The following CEP120 variants were observed in gnomAD, a reference collection of about 807,000 sequenced individuals.
The protein encoded by CEP120 is centrosomal protein of 120 kDa.
CEP120 carries 113 observed loss-of-function variants against 126.5 expected under a neutral mutation model. That is an observed-to-expected ratio of 0.89 (90% CI 0.77 to 1.04). The LOEUF is 1.04. CEP120 is among the 50% of genes least tolerant of loss of function. CEP120 has a pLI of 0.00. For missense variants in CEP120, 1,230 were observed against 1,155.7 expected (o/e 1.06, Z -0.93); for synonymous variants, 400 against 394.3 (o/e 1.01, Z -0.17).
At chr5:123,361,158 A>G (rs1034086038) in intron 18 of CEP120, among the ~76,000 whole-genome samples, 1 of 151,766 alleles carries the variant, frequency 6.6e-6, no homozygotes, top group Non-Finnish European at 1.5e-5. Flanking sequence ...TGGAAGCACT[A>G]TTTTCCACTT....
At chr5:123,380,181 C>A (rs926819754) in intron 14 of CEP120, among the ~76,000 whole-genome samples, 24 of 152,036 alleles carry the variant, frequency 1.6e-4, no homozygotes, top group Admixed American at 1.3e-3. Flanking sequence ...GGGTATTTAG[C>A]TTTAAAATAT....
At chr5:123,422,325 C>G (rs1038676639) in intron 1 of CEP120, 3 of 607,684 alleles carry the variant, frequency 4.9e-6, no homozygotes, top group African/African-American at 1.9e-5. Context: ...TCTTCCACAT[C>G]CTGATGAATT....
Position 123,377,513 on chromosome 5 carries a change from A to C in CEP120, c.2219T>G (p.Leu740Arg). Residue 740 changes from leucine (L) to arginine (R), a missense_variant, in exon 16 of 20, where the codon CTG becomes CGG. By Grantham distance (102) the Leu-to-Arg change is moderately radical. Coordinates refer to ENST00000306467, the MANE Select transcript of CEP120 (RefSeq NM_001375405.1). ...CAGGTTCCGCTGACGTTCTGATTGC[A>C]GTTCCTTTTTTTCTCTTTGAAGCTT... ...ESELQREKKE[L>R]QSERQRNLQE... 6.3e-7 allele frequency: 1 copy of C among 1,586,038 alleles called. No homozygotes were observed. Among genetic ancestry groups the C allele is most frequent in the Non-Finnish European group, 8.5e-7 (1 of 1,173,390 alleles).
intron 1 of CEP120, among the ~76,000 whole-genome samples, chr5:123,420,348 CT>C (rs1164681047): frequency 6.6e-6 from 1 of 152,144 alleles, no homozygotes; most frequent in Non-Finnish European, 1.5e-5. Flanking sequence ...CAGAAATGGT[CT>C]TTTTCATCCT....
At chr5:123,406,325 CCCCAATTAATGTCA>C (rs1295180084) in intron 4 of CEP120, among the ~76,000 whole-genome samples, 1 of 151,270 alleles carries the variant, frequency 6.6e-6, no homozygotes, top group East Asian at 1.9e-4. Flanking sequence ...TGAGAATTTC[CCCCAATTAATGTCA>C]CACACCAAAC....
rs1771738109 is a variant in CEP120 at position 123,382,779 on chromosome 5, T to C, written c.1971A>G (p.Leu657=). Residue 657 remains leucine (L), a synonymous_variant, in exon 13 of 20, where the codon CTA becomes CTG. Transcript: ENST00000306467. ...ETLEYKAALE[L]EMWKEMQEDI... is the part of the protein sequence containing the mutation. ...CTTCTTGCATCTCCTTCCACATTTC[T>C]AGCTCAAGTGCTGCTTTGTATTCTA... is the stretch of plus-strand genomic sequence containing the variant. The C allele has an allele frequency of 1.9e-6, 3 of 1,613,226 alleles. No individual in the cohort carries two copies. The highest frequency in any genetic ancestry group is 1.3e-5 in the African/African-American group (1 of 74,990).
intron 3 of CEP120, among the ~76,000 whole-genome samples, chr5:123,414,576 TC>T (rs965366907): frequency 6.6e-6 from 1 of 152,074 alleles, no homozygotes; most frequent in Admixed American, 6.6e-5. Context: ...TTAACTTTTT[TC>T]CCCCCTTAAG....
intron 18 of CEP120, among the ~76,000 whole-genome samples, chr5:123,357,439 A>G (rs527311001): frequency 2.6e-5 from 4 of 152,248 alleles, no homozygotes; most frequent in Non-Finnish European, 4.4e-5. Context: ...ACATTTCTTC[A>G]TCATATCACC....
At chr5:123,390,173 C>T in intron 7 of CEP120, 33 bp from the exon 8 acceptor site, 1 of 1,459,594 alleles carries the variant, frequency 6.9e-7, no homozygotes, top group Non-Finnish European at 9.4e-7. Flanking sequence ...GTATAATTTG[C>T]AAAGAACTTT....
chr5:123,396,008 T>TA (rs1157851596), intron 5 of CEP120, among the ~76,000 whole-genome samples: 1 of 140,652 alleles, frequency 7.1e-6, no homozygotes, highest in Non-Finnish European at 1.5e-5. Flanking sequence ...TTTTTTTTTT[T>TA]ACTATAAAGA....
intron 4 of CEP120, among the ~76,000 whole-genome samples, chr5:123,409,971 C>CAAAAAAA (rs1353891467): frequency 1.5e-5 from 1 of 67,590 alleles, no homozygotes; most frequent in Non-Finnish European, 2.5e-5. Flanking sequence ...ACAAAACAAG[C>CAAAAAAA]AAAAAAAAAA....
At chr5:123,374,245 G>A (rs569568802) in intron 16 of CEP120, among the ~76,000 whole-genome samples, 1 of 152,048 alleles carries the variant, frequency 6.6e-6, no homozygotes, top group East Asian at 1.9e-4. Flanking sequence ...AACAAAAACT[G>A]AAAGTCAAAG....
chr5:123,396,868 T>A (rs908352019), intron 5 of CEP120, among the ~76,000 whole-genome samples: 1 of 152,148 alleles, frequency 6.6e-6, no homozygotes, highest in African/African-American at 2.4e-5. Flanking sequence ...GCTTTCCTTA[T>A]CTCTAAAATG....
chr5:123,419,574 C>T (rs1464058284), intron 1 of CEP120, among the ~76,000 whole-genome samples: 2 of 149,396 alleles, frequency 1.3e-5, no homozygotes, highest in South Asian at 2.1e-4. Context: ...AAACAGAATA[C>T]TTTCCAAATT....
In CEP120 at chr5:123,412,383, G is replaced by C. The variant is rs1400412242; in HGVS notation, c.463+16C>G. ...TGGAACTTCTCAGAGAATGTTTTTA[G>C]AGATGATGCACAAACCTTTTCCATC... On this transcript the variant is annotated intron_variant, in intron 4 of 19. Coordinates refer to ENST00000306467, the MANE Select transcript of CEP120 (RefSeq NM_001375405.1). 6.3e-7 allele frequency: 1 copy of C among 1,589,070 alleles called. No individual in the cohort carries two copies. The highest frequency in any genetic ancestry group is 2.3e-5 in the East Asian group (1 of 44,368).
intron 16 of CEP120, among the ~76,000 whole-genome samples, chr5:123,374,553 T>G (rs1771072914): frequency 6.6e-6 from 1 of 152,112 alleles, no homozygotes; most frequent in South Asian, 2.1e-4. Context: ...CTATCCATCA[T>G]TATATAAACC....
In CEP120 at chr5:123,399,196, T is replaced by C. The variant is rs1465096836; in HGVS notation, c.552A>G (p.Glu184=). The change falls in exon 5 of 20, where the codon GAA becomes GAG. Residue 184 remains glutamate (E), a synonymous_variant. Coordinates refer to ENST00000306467, the MANE Select transcript of CEP120 (RefSeq NM_001375405.1). ...EGGYHQIGPA[E]YCTDSFIMSV... is the part of the protein sequence containing the mutation. ...ACATAATAAAGGAGTCAGTACAGTA[T>C]TCTGCTGGTCCAATCTGATGGTAGC... The C allele has an allele frequency of 3.1e-6, 5 of 1,614,094 alleles. No homozygotes were observed. In the Admixed American group the frequency reaches 6.7e-5, roughly 22 times the overall value.
chr5:123,378,096 T>C (rs1771363411), intron 15 of CEP120, among the ~76,000 whole-genome samples: 1 of 152,036 alleles, frequency 6.6e-6, no homozygotes, highest in South Asian at 2.1e-4. Context: ...GAAATAAAGA[T>C]ATATGATAGA....
At chr5:123,409,802 C>T (rs1773916077) in intron 4 of CEP120, among the ~76,000 whole-genome samples, 1 of 151,568 alleles carries the variant, frequency 6.6e-6, no homozygotes, top group African/African-American at 2.4e-5. Flanking sequence ...TACTAAAATA[C>T]AAAAATTAGC....
Sources: allele counts gnomAD v4.1 joint callset (sites outside exome capture counted in the v4.1 genomes callset), GRCh38; gene constraint gnomAD v4.1.1; transcripts MANE v1.5; gene names NCBI Gene and HGNC (gene_info 2026-07-23, HGNC 2026-07-21).